The following ARHGAP26 variants were observed in gnomAD, a reference collection of about 807,000 sequenced individuals.
ARHGAP26 encodes rho GTPase-activating protein 26.
ARHGAP26 carries 38 observed loss-of-function variants against 104.8 expected under a neutral mutation model. The ratio of observed to expected loss-of-function variants is 0.36; its 90% confidence interval spans 0.28 to 0.48. The LOEUF (loss-of-function observed/expected upper bound fraction) is 0.48. ARHGAP26 is among the 20% of genes least tolerant of loss of function. The pLI, the probability that ARHGAP26 is intolerant of heterozygous loss-of-function variation, is 0.99. For synonymous variants in ARHGAP26, 341 were observed against 340.0 expected (o/e 1.00, Z -0.03); for missense variants, 704 against 947.9 (o/e 0.74, Z 3.38).
intron 21 of ARHGAP26, among the ~76,000 whole-genome samples, chr5:143,208,324 A>G (rs181676659): frequency 1.1e-4 from 16 of 152,348 alleles, no homozygotes; most frequent in Non-Finnish European, 2.2e-4. Context: ...GAGCCCAGTT[A>G]TAAGCATCAG....
chr5:142,811,356 A>G (rs1437554489), intron 1 of ARHGAP26, among the ~76,000 whole-genome samples: 2 of 152,222 alleles, frequency 1.3e-5, no homozygotes, highest in Admixed American at 1.3e-4. Flanking sequence ...AGCTGTCCAC[A>G]TGCCAGGAGA....
chr5:142,853,901 TG>T (rs1190459623), intron 1 of ARHGAP26, among the ~76,000 whole-genome samples: 1 of 152,126 alleles, frequency 6.6e-6, no homozygotes, highest in Non-Finnish European at 1.5e-5. Flanking sequence ...CCTTAGTAAA[TG>T]TTTAATAATT....
intron 14 of ARHGAP26, 122 bp downstream of exon 14, chr5:143,042,012 C>A: frequency 1.3e-6 from 1 of 788,148 alleles, no homozygotes; most frequent in East Asian, 2.7e-5. Context: ...TGAGCTGTCA[C>A]CTAGAAGTCA....
intron 1 of ARHGAP26, among the ~76,000 whole-genome samples, chr5:142,812,011 C>T (rs1407052071): frequency 1.3e-5 from 2 of 152,196 alleles, no homozygotes; most frequent in African/African-American, 4.8e-5. Flanking sequence ...TACTCATCAC[C>T]TAGCTGCTGT....
In ARHGAP26 at chr5:143,054,524, A is replaced by T. The variant is rs779343904; in HGVS notation, c.1371A>T (p.Leu457=). The T allele has an allele frequency of 1.3e-6, 2 of 1,598,888 alleles. No individual in the cohort carries two copies. The highest frequency in any genetic ancestry group is 1.7e-6 in the Non-Finnish European group (2 of 1,167,936). ...KTITSALKTY[L]RMLPGPLMMY... ...TCACTAGTGCTCTGAAGACCTACCTAAGGTAGGGACTTTCCATTTGCAAGG... is the reference window on the plus strand; with the variant it reads ...TCACTAGTGCTCTGAAGACCTACCTTAGGTAGGGACTTTCCATTTGCAAGG... Residue 457 remains leucine, a splice_region_variant and synonymous_variant, in exon 15 of 23, where the codon CTA becomes CTT. Transcript: ENST00000645722.
At position 142,875,220 on chromosome 5, in the gene ARHGAP26, A is replaced by G. The variant is rs1032241284; in HGVS notation, c.312+49A>G. On this transcript the variant is annotated intron_variant, in intron 3 of 22. Transcript: ENST00000645722. ...GGTCCCAGATAGTATATTCGTGTTG[A>G]GGGAGCAAGGGATGGGTATCAGAAG... The G allele has an allele frequency of 3.2e-6, 5 of 1,553,684 alleles. 1 individual carries two copies. Among genetic ancestry groups the G allele is most frequent in the Admixed American group, 3.3e-5 (2 of 59,876 alleles).
At chr5:142,782,006 C>T (rs13436659) in intron 1 of ARHGAP26, among the ~76,000 whole-genome samples, 2,214 of 152,282 alleles carry the variant, frequency 0.015, 63 homozygotes, top group African/African-American at 0.05. Flanking sequence ...TGAGCCACTG[C>T]GCCTGGCCGA....
intron 17 of ARHGAP26, among the ~76,000 whole-genome samples, chr5:143,069,799 G>A (rs1266060320): frequency 6.6e-6 from 1 of 152,260 alleles, no homozygotes; most frequent in Non-Finnish European, 1.5e-5. Flanking sequence ...TGCCTCAATA[G>A]CCCTATTATG....
In ARHGAP26 at chr5:142,808,246, A is replaced by G. The variant is rs1430718053; in HGVS notation, c.154+37331A>G. ...TGAGACATTGTCTCGGAAAAAAAAA[A>G]AAAAAAAAAAAAAAAAAAAAAAAAA... is the stretch of plus-strand genomic sequence containing the variant. On this transcript the variant is annotated intron_variant, in intron 1 of 22. Transcript: ENST00000645722. Among the ~76,000 whole-genome samples, 225 of 128,000 alleles carry G rather than the reference A, an allele frequency of 1.8e-3. 8 individuals are homozygous for G. The highest frequency in any genetic ancestry group is 3.7e-3 in the South Asian group (15 of 4,054). 84.0% of individuals were successfully genotyped at this position (128,000 alleles called of 152,430 possible). A position where few individuals can be genotyped will look rare whatever the true frequency, so the allele number is the denominator to read the frequency against.
At chr5:142,942,752 C>T (rs950849214) in intron 11 of ARHGAP26, among the ~76,000 whole-genome samples, 1 of 152,070 alleles carries the variant, frequency 6.6e-6, no homozygotes, top group Non-Finnish European at 1.5e-5. Context: ...GTCTGTCTGC[C>T]TGCTGGATTG....
chr5:142,843,401 G>A (rs1343604887), intron 1 of ARHGAP26, among the ~76,000 whole-genome samples: 1 of 152,228 alleles, frequency 6.6e-6, no homozygotes, highest in Non-Finnish European at 1.5e-5. Context: ...TCCACATAAA[G>A]ATGATACCTT....
At chr5:143,200,466 A>G (rs1252321070) in intron 20 of ARHGAP26, among the ~76,000 whole-genome samples, 1 of 152,242 alleles carries the variant, frequency 6.6e-6, no homozygotes, top group Non-Finnish European at 1.5e-5. Context: ...CAGAAATCAG[A>G]GTATACCATA....
chr5:142,781,558 G>A (rs985119476), intron 1 of ARHGAP26, among the ~76,000 whole-genome samples: 1 of 152,186 alleles, frequency 6.6e-6, no homozygotes, highest in African/African-American at 2.4e-5. Flanking sequence ...GGGGAAAAGG[G>A]AGGGGAGCAA....
chr5:142,991,478 C>T (rs917662233), intron 11 of ARHGAP26, among the ~76,000 whole-genome samples: 2 of 152,246 alleles, frequency 1.3e-5, no homozygotes, highest in Non-Finnish European at 2.9e-5. Flanking sequence ...TCCAACAAGC[C>T]CCACTGAGAT....
intron 1 of ARHGAP26, among the ~76,000 whole-genome samples, chr5:142,812,646 C>T (rs535480138): frequency 8.5e-5 from 13 of 152,198 alleles, no homozygotes; most frequent in African/African-American, 2.9e-4. Context: ...CTTCAATCCT[C>T]CCTCTTCTGC....
Position 143,085,261 on chromosome 5 carries a change from A to T in ARHGAP26, c.1538+27514A>T, listed in dbSNP as rs76441026. On this transcript the variant is annotated intron_variant, in intron 17 of 22. Transcript: ENST00000645722. ...GCCTGGCCTGCAGTAGGTGCTTCAT[A>T]GAACATCCTCTGGTGGCAGATAGTA... is the stretch of plus-strand genomic sequence containing the variant. Among the ~76,000 whole-genome samples, 771 of 152,210 alleles carry T rather than the reference A, an allele frequency of 5.1e-3. 8 individuals carry two copies. The highest frequency in any genetic ancestry group is 0.036 in the East Asian group (186 of 5,174).
chr5:142,847,004 G>C (rs552494316), intron 1 of ARHGAP26, among the ~76,000 whole-genome samples: 3 of 152,050 alleles, frequency 2.0e-5, no homozygotes, highest in African/African-American at 4.8e-5. Flanking sequence ...AATGGGTAGC[G>C]GGGGGTGATT....
At chr5:142,888,105 GTTAAGCACT>G (rs1757984571) in intron 5 of ARHGAP26, among the ~76,000 whole-genome samples, 1 of 152,236 alleles carries the variant, frequency 6.6e-6, no homozygotes, top group Non-Finnish European at 1.5e-5. Context: ...TGGGTATGGT[GTTAAGCACT>G]TTACATGGAA....
chr5:142,860,728 C>T (rs1753167576), intron 1 of ARHGAP26, among the ~76,000 whole-genome samples: 1 of 152,222 alleles, frequency 6.6e-6, no homozygotes, highest in South Asian at 2.1e-4. Context: ...CTTTCTTCTA[C>T]CACGAGCATT....
Sources: allele counts gnomAD v4.1 joint callset (sites outside exome capture counted in the v4.1 genomes callset), GRCh38; gene constraint gnomAD v4.1.1; transcripts MANE v1.5; gene names NCBI Gene and HGNC (gene_info 2026-07-23, HGNC 2026-07-21).